Variants in DAB1 observed in about 807,000 individuals in gnomAD.
DAB1 encodes the protein DAB adaptor protein 1.
DAB1 carries 15 observed loss-of-function variants against 64.6 expected under a neutral mutation model. The observed-to-expected ratio is 0.23, with a 90% CI of 0.16 to 0.36. The LOEUF is 0.36. DAB1 is among the 10% of genes least tolerant of loss of function. The pLI is 1.00. For synonymous variants in DAB1, 235 were observed against 251.9 expected, an observed-to-expected ratio of 0.93 and a Z score of 0.64; for missense variants, 596 against 706.7, an observed-to-expected ratio of 0.84 and a Z score of 1.78.
intron 1 of DAB1, among the ~76,000 whole-genome samples, chr1:57,330,844 G>C (rs1191169340): frequency 6.6e-6 from 1 of 152,022 alleles, no homozygotes; most frequent in Non-Finnish European, 1.5e-5. Context: ...GTGAACCCTC[G>C]GCAGCTTGAC....
intron 1 of DAB1, among the ~76,000 whole-genome samples, chr1:57,367,094 A>C (rs1404386530): frequency 3.7e-5 from 4 of 108,796 alleles, no homozygotes; most frequent in Non-Finnish European, 6.2e-5. Flanking sequence ...AAAATAAAAT[A>C]AAATAAAATA....
chr1:57,926,466 G>C (rs1286408654), intron 5 of DAB1, among the ~76,000 whole-genome samples: 1 of 152,204 alleles, frequency 6.6e-6, no homozygotes, highest in East Asian at 1.9e-4. Flanking sequence ...GGTGAGGTGT[G>C]AGCCATGTTG....
intron 5 of DAB1, among the ~76,000 whole-genome samples, chr1:57,917,882 G>A (rs1644750597): frequency 6.6e-6 from 1 of 151,976 alleles, no homozygotes; most frequent in Non-Finnish European, 1.5e-5. Context: ...CTCTTGTCCT[G>A]TAATAATGAG....
intron 1 of DAB1, among the ~76,000 whole-genome samples, chr1:57,402,260 C>T (rs182727034): frequency 2.0e-4 from 30 of 152,270 alleles, no homozygotes; most frequent in Admixed American, 1.6e-3. Flanking sequence ...TTCAATCTCT[C>T]TTATAAGGCT....
chr1:58,368,060 A>C (rs1406147409), intron 3 of DAB1, among the ~76,000 whole-genome samples: 1 of 152,056 alleles, frequency 6.6e-6, no homozygotes, highest in Non-Finnish European at 1.5e-5. Flanking sequence ...CACTATAACT[A>C]CCCCAGTGAC....
Position 58,505,982 on chromosome 1 carries a change from C to A in DAB1, n.257+78G>T. The A allele has an allele frequency of 1.1e-5, 8 of 746,974 alleles. No individual in the cohort carries two copies. In the South Asian group the frequency reaches 1.2e-4, roughly 12 times the overall value. 46.3% of individuals were successfully genotyped at this position (746,974 alleles called of 1,614,324 possible). A position where few individuals can be genotyped will look rare whatever the true frequency, so the allele number is the denominator to read the frequency against. On this transcript the variant is annotated intron_variant and non_coding_transcript_variant, in intron 3 of 20. Transcript: ENST00000485760. ...GTTAATAGGCTAGAACTCTCTTTTA[C>A]TAAGCAAAAGAAGTGACAGCATTAA...
At chr1:58,267,241 T>TA (rs1168268398) in intron 4 of DAB1, among the ~76,000 whole-genome samples, 6 of 151,916 alleles carry the variant, frequency 3.9e-5, no homozygotes, top group African/African-American at 9.7e-5. Context: ...TGAAATAAAA[T>TA]AAAAAATAAT....
chr1:57,739,312 T>C (rs2101786835), intron 6 of DAB1, among the ~76,000 whole-genome samples: 1 of 152,102 alleles, frequency 6.6e-6, no homozygotes, highest in African/African-American at 2.4e-5. Context: ...TGAAGTGCTC[T>C]CACATTTCTT....
At chr1:57,146,598 C>A (rs1279975902) in intron 2 of DAB1, among the ~76,000 whole-genome samples, 2 of 152,106 alleles carry the variant, frequency 1.3e-5, no homozygotes, top group African/African-American at 4.8e-5. Flanking sequence ...TAGAAAAAAA[C>A]AACAGCAATC....
intron 6 of DAB1, among the ~76,000 whole-genome samples, chr1:57,780,754 CTTTTTTCTTTTTTTTTT>C (rs1412313095): frequency 1.5e-5 from 2 of 136,008 alleles, no homozygotes; most frequent in Non-Finnish European, 3.2e-5. Context: ...TCTTTTTTTT[CTTTTTTCTTTTTTTTTT>C]GAGACAGAGT....
intron 2 of DAB1, among the ~76,000 whole-genome samples, chr1:57,258,029 A>G (rs1669895233): frequency 1.3e-5 from 2 of 152,224 alleles, no homozygotes; most frequent in Admixed American, 6.5e-5. Context: ...GGAATATTTG[A>G]AAGGTCAATT....
At chr1:57,753,267 T>C (rs982298629) in intron 6 of DAB1, among the ~76,000 whole-genome samples, 10 of 152,202 alleles carry the variant, frequency 6.6e-5, no homozygotes, top group African/African-American at 2.4e-4. Flanking sequence ...GTCGAAGCGC[T>C]GACTGATGGG....
At chr1:58,025,464 T>C (rs1646875100) in intron 5 of DAB1, among the ~76,000 whole-genome samples, 1 of 151,694 alleles carries the variant, frequency 6.6e-6, no homozygotes, top group African/African-American at 2.4e-5. Flanking sequence ...CTGTCTGATC[T>C]CTAAACTTTC....
intron 1 of DAB1, among the ~76,000 whole-genome samples, chr1:57,294,248 A>G (rs1328596508): frequency 2.0e-5 from 3 of 152,218 alleles, no homozygotes; most frequent in African/African-American, 7.2e-5. Context: ...AAATGCTTCA[A>G]TAATATTTCT....
intron 7 of DAB1, among the ~76,000 whole-genome samples, chr1:57,461,867 T>A (rs1269779960): frequency 6.7e-6 from 1 of 150,048 alleles, no homozygotes; most frequent in East Asian, 2.0e-4. Flanking sequence ...AGTGAATGAA[T>A]GAAACCATGG....
chr1:57,232,723 A>G (rs1486219327), intron 2 of DAB1, among the ~76,000 whole-genome samples: 2 of 152,186 alleles, frequency 1.3e-5, no homozygotes, highest in Non-Finnish European at 2.9e-5. Context: ...GCTGACATTT[A>G]TTAGGCACCA....
rs1645189702 is a variant in DAB1 at position 58,455,966 on chromosome 1, T to C, written n.257+50094A>G. Among the ~76,000 whole-genome samples the C allele has an allele frequency of 2.0e-5, 3 of 152,370 alleles. No homozygotes were observed. In the South Asian group the frequency reaches 6.2e-4, roughly 32 times the overall value. ...TCCGAGTCAGCCCAGAGCAGGGCCCTGGCTCTACCTCCACTCAGTGTATGA... is the reference window on the plus strand; with the variant it reads ...TCCGAGTCAGCCCAGAGCAGGGCCCCGGCTCTACCTCCACTCAGTGTATGA... On this transcript the variant is annotated intron_variant and non_coding_transcript_variant, in intron 3 of 20. Transcript: ENST00000485760.
chr1:58,535,907 G>A (rs1309196535), intron 1 of DAB1, among the ~76,000 whole-genome samples: 1 of 152,052 alleles, frequency 6.6e-6, no homozygotes. Flanking sequence ...CAAGGTATAA[G>A]AATTCTGACT....
chr1:57,210,909 C>T (rs1665950098), intron 2 of DAB1, among the ~76,000 whole-genome samples: 1 of 152,120 alleles, frequency 6.6e-6, no homozygotes, highest in Non-Finnish European at 1.5e-5. Context: ...TACTACCAAC[C>T]CATTAAAGTT....
Sources: gnomAD v4.1 joint callset for allele counts (sites outside exome capture counted in the v4.1 genomes callset) on GRCh38, gnomAD v4.1.1 for gene constraint, MANE v1.5 for transcripts, NCBI Gene and HGNC (gene_info 2026-07-23, HGNC 2026-07-21) for gene names.